Variants in PSKH2 observed in about 807,000 individuals in gnomAD.
The protein encoded by PSKH2 is serine/threonine-protein kinase H2.
A neutral mutation model predicts 22.5 loss-of-function variants in PSKH2; 16 were observed. That is an observed-to-expected ratio of 0.71 (90% CI 0.48 to 1.08). The LOEUF (loss-of-function observed/expected upper bound fraction) is 1.08. PSKH2 is among the 50% of genes least tolerant of loss of function. PSKH2 has a pLI of 0.00. For synonymous variants in PSKH2, 188 were observed against 184.8 expected (o/e 1.02, Z -0.14); for missense variants, 516 against 492.8 (o/e 1.05, Z -0.44).
intron 1 of PSKH2, among the ~76,000 whole-genome samples, chr8:86,067,507 C>T (rs923997172): frequency 5.3e-5 from 8 of 151,084 alleles, no homozygotes; most frequent in African/African-American, 9.7e-5. Context: ...TTTTCATTTC[C>T]TTCACTTTTA....
Position 86,069,504 on chromosome 8 carries a change from G to A in PSKH2, c.119C>T (p.Ala40Val), listed in dbSNP as rs1462364752. ...GGAGPGPEAA[A>V]QAAQRIQVAR... ...CACCTGTATCCTCTGCGCCGCCTGG[G>A]CCGCCGCCTCGGGCCCAGGCCCCGC... The change falls in exon 1 of 3, where the codon GCC (alanine) becomes GTC (valine). Residue 40 changes from alanine (A) to valine (V), a missense_variant. Transcript: ENST00000276616. 3 of 1,608,798 alleles carry A rather than the reference G, an allele frequency of 1.9e-6. No individual in the cohort carries two copies. The South Asian group carries it at 3.3e-5, about 18-fold the overall frequency.
intron 2 of PSKH2, among the ~76,000 whole-genome samples, chr8:86,062,195 C>A (rs1817786312): frequency 1.3e-5 from 2 of 152,130 alleles, no homozygotes; most frequent in African/African-American, 4.8e-5. Flanking sequence ...TTTCCAATGT[C>A]ATTACAATTT....
chr8:86,052,049 T>A (rs777040979), intron 2 of PSKH2, among the ~76,000 whole-genome samples: 1 of 152,204 alleles, frequency 6.6e-6, no homozygotes, highest in Non-Finnish European at 1.5e-5. Flanking sequence ...AAGTATAAAA[T>A]AGACTAATAT....
At position 86,064,157 on chromosome 8, in the gene PSKH2, C is replaced by A; in HGVS notation, c.660G>T (p.Lys220Asn). Residue 220 changes from lysine to asparagine, a missense_variant, in exon 2 of 3, where the codon AAG (lysine) becomes AAT (asparagine). Physicochemically the swap from Lys to Asn is moderately conservative, Grantham distance 94. Coordinates refer to ENST00000276616, the MANE Select transcript of PSKH2 (RefSeq NM_033126.3). Reference sequence around the variant, plus strand: ...TGTACTCTGGGGTCCCACAGAGTGTCTTCATTGTCCAGTCACCACTTTTTT... The same window carrying A: ...TGTACTCTGGGGTCCCACAGAGTGTATTCATTGTCCAGTCACCACTTTTTT... The part of the protein sequence containing the change: ...SGKKSGDWTM[K>N]TLCGTPEYIA... The A allele has an allele frequency of 6.2e-7, 1 of 1,614,138 alleles. No individual in the cohort carries two copies. The highest frequency in any genetic ancestry group is 8.5e-7 in the Non-Finnish European group (1 of 1,180,020).
At chr8:86,067,891 G>A (rs947172149) in intron 1 of PSKH2, among the ~76,000 whole-genome samples, 1 of 152,124 alleles carries the variant, frequency 6.6e-6, no homozygotes, top group Non-Finnish European at 1.5e-5. Context: ...ACTACTCATT[G>A]GTTAAAGATG....
At chr8:86,049,680 AAGAAAGAAAGAAAGAAAGAAAG>A (rs1817585346) in intron 2 of PSKH2, among the ~76,000 whole-genome samples, 1 of 8,886 alleles carries the variant, frequency 1.1e-4, no homozygotes, top group Non-Finnish European at 3.6e-4. Context: ...AGAAAGAAGA[AAGAAAGAAAGAAAGAAAGAAAG>A]AAAGAAAGAA....
At chr8:86,068,735 C>T (rs1817900721) in intron 1 of PSKH2, among the ~76,000 whole-genome samples, 3 of 152,140 alleles carry the variant, frequency 2.0e-5, no homozygotes, top group Non-Finnish European at 1.5e-5. Flanking sequence ...GTGGAAGATC[C>T]TTCACACACC....
chr8:86,055,329 CA>C (rs1365077477), intron 2 of PSKH2, among the ~76,000 whole-genome samples: 1 of 152,102 alleles, frequency 6.6e-6, no homozygotes, highest in African/African-American at 2.4e-5. Flanking sequence ...ACAGTCAAAA[CA>C]AAACACACCA....
At chr8:86,056,883 G>C (rs2130153125) in intron 2 of PSKH2, among the ~76,000 whole-genome samples, 1 of 151,018 alleles carries the variant, frequency 6.6e-6, no homozygotes, top group Admixed American at 6.6e-5. Context: ...AATCCAGCCA[G>C]TCTTGTTCCA....
rs781702758 is a variant in PSKH2, at chr8:86,064,589, C to G, written c.228G>C (p.Arg76Ser). 3.7e-6 allele frequency: 6 copies of G among 1,613,788 alleles called. No homozygotes were observed. The highest frequency in any genetic ancestry group is 3.4e-6 in the Non-Finnish European group (4 of 1,179,924). Reference sequence around the variant, plus strand: ...TGGTCTTCTGCTCTACCCTGACAACCCTGCTGAAACTGCCTGTCCCAATAA... The same window carrying G: ...TGGTCTTCTGCTCTACCCTGACAACGCTGCTGAAACTGCCTGTCCCAATAA... Reference protein sequence around the residue: ...KALIGTGSFSRVVRVEQKTTK... With the variant: ...KALIGTGSFSSVVRVEQKTTK... Residue 76 changes from arginine (R) to serine (S), a missense_variant, in exon 2 of 3, where the codon AGG (arginine) becomes AGC (serine). By Grantham distance (110) the Arg-to-Ser change is moderately radical (BLOSUM62 -1). Transcript: ENST00000276616.
At chr8:86,054,679 C>T (rs577799262) in intron 2 of PSKH2, among the ~76,000 whole-genome samples, 1 of 152,118 alleles carries the variant, frequency 6.6e-6, no homozygotes, top group Non-Finnish European at 1.5e-5. Flanking sequence ...TCTGCTGGGG[C>T]ATTTGTAAAT....
rs1340112492 is a variant in PSKH2 at position 86,064,484 on chromosome 8, G to T, written c.333C>A (p.Val111=). The change falls in exon 2 of 3, where the codon GTC becomes GTA. Residue 111 remains valine, a synonymous_variant. Coordinates refer to ENST00000276616, the MANE Select transcript of PSKH2 (RefSeq NM_033126.3). ...GREACVSELS[V]LRRVSHRYIV... ...TGTAACGATGGCTAACCCGCCGCAG[G>T]ACGCTCAGCTCAGACACGCACGCTT... The T allele has an allele frequency of 6.2e-7, 1 of 1,613,762 alleles. No individual in the cohort carries two copies. The highest frequency in any genetic ancestry group is 8.5e-7 in the Non-Finnish European group (1 of 1,180,004).
upstream of PSKH2, chr8:86,069,727 G>C (rs543914871): frequency 4.5e-5 from 58 of 1,298,926 alleles, 1 homozygote; most frequent in South Asian, 9.0e-4. Context: ...GGGACCCTCG[G>C]AAAGAAACCC....
At chr8:86,066,415 C>G (rs547995610) in intron 1 of PSKH2, 1 of 152,034 alleles carries the variant, frequency 6.6e-6, no homozygotes, top group Non-Finnish European at 1.5e-5. Flanking sequence ...GTTTGCCAGG[C>G]TGGTCTTGAA....
chr8:86,054,678 G>T (rs919573572), intron 2 of PSKH2, among the ~76,000 whole-genome samples: 1 of 152,140 alleles, frequency 6.6e-6, no homozygotes, highest in Non-Finnish European at 1.5e-5. Flanking sequence ...GTCTGCTGGG[G>T]CATTTGTAAA....
intron 2 of PSKH2, among the ~76,000 whole-genome samples, chr8:86,058,674 T>C (rs1222135490): frequency 6.6e-6 from 1 of 152,178 alleles, no homozygotes; most frequent in East Asian, 1.9e-4. Flanking sequence ...ATCGTAATTC[T>C]AAACAGTATT....
At chr8:86,051,380 C>G (rs1229930447) in intron 2 of PSKH2, among the ~76,000 whole-genome samples, 1 of 152,130 alleles carries the variant, frequency 6.6e-6, no homozygotes, top group East Asian at 1.9e-4. Flanking sequence ...AAACACTGCC[C>G]CCCGCCTTAA....
chr8:86,065,727 C>T (rs1817847037), intron 1 of PSKH2, among the ~76,000 whole-genome samples: 1 of 152,088 alleles, frequency 6.6e-6, no homozygotes, highest in Non-Finnish European at 1.5e-5. Context: ...AATCCCAGCA[C>T]TTTGGGAGGC....
At chr8:86,058,535 G>A (rs1817735612) in intron 2 of PSKH2, among the ~76,000 whole-genome samples, 1 of 152,140 alleles carries the variant, frequency 6.6e-6, no homozygotes, top group Non-Finnish European at 1.5e-5. Context: ...CATTCTCCAT[G>A]CTTATTCCTT....
Sources: allele counts gnomAD v4.1 joint callset (sites outside exome capture counted in the v4.1 genomes callset), GRCh38; gene constraint gnomAD v4.1.1; transcripts MANE v1.5; gene names NCBI Gene and HGNC (gene_info 2026-07-23, HGNC 2026-07-21).